Variants in TNFSF4 observed in about 807,000 individuals in gnomAD.
TNFSF4 encodes the protein TNF superfamily member 4.
TNFSF4 carries 4 observed loss-of-function variants against 7.3 expected under a neutral mutation model. The ratio of observed to expected loss-of-function variants is 0.55; its 90% CI spans 0.27 to 1.25. The LOEUF is 1.25. TNFSF4 is among the 50% of genes most tolerant of loss of function. TNFSF4 has a pLI of 0.12. For missense variants in TNFSF4, 181 were observed against 208.8 expected, an observed-to-expected ratio of 0.87 and a Z score of 0.82; for synonymous variants, 76 against 83.7, an observed-to-expected ratio of 0.91 and a Z score of 0.50.
chr1:173,432,625 G>A, the TNFSF4 span, among the ~76,000 whole-genome samples: 1 of 151,958 alleles, frequency 6.6e-6, no homozygotes, highest in African/African-American at 2.4e-5. Context: ...CACCCAGTCT[G>A]TGTACATTCT....
the TNFSF4 span, among the ~76,000 whole-genome samples, chr1:173,428,614 GA>G: frequency 1.3e-5 from 2 of 152,188 alleles, no homozygotes; most frequent in East Asian, 3.9e-4. Flanking sequence ...TGATATTAAT[GA>G]ATTATTGCTA....
chr1:173,294,523 T>C, the TNFSF4 span, among the ~76,000 whole-genome samples: 1 of 151,912 alleles, frequency 6.6e-6, no homozygotes, highest in African/African-American at 2.4e-5. Context: ...GATGGGATCA[T>C]TCATACCCCA....
the TNFSF4 span, among the ~76,000 whole-genome samples, chr1:173,327,248 CA>C: frequency 2.6e-5 from 4 of 151,796 alleles, no homozygotes; most frequent in African/African-American, 7.3e-5. Context: ...ACAAACCTGA[CA>C]AAAACAAGCA....
At chr1:173,203,462 C>T (rs1413555958) in intron 1 of TNFSF4, among the ~76,000 whole-genome samples, 1 of 152,098 alleles carries the variant, frequency 6.6e-6, no homozygotes, top group Non-Finnish European at 1.5e-5. Flanking sequence ...TAAAAAAGAA[C>T]TTCTAAAAAC....
chr1:173,196,165 C>G (rs1308256276), intron 1 of TNFSF4, among the ~76,000 whole-genome samples: 1 of 152,104 alleles, frequency 6.6e-6, no homozygotes, highest in African/African-American at 2.4e-5. Flanking sequence ...GACTTCTGAT[C>G]ACGGAAGTTC....
intron 1 of TNFSF4, 74 bp from the exon 2 acceptor site, chr1:173,188,643 A>T: frequency 7.8e-7 from 1 of 1,278,400 alleles, no homozygotes; most frequent in Non-Finnish European, 1.1e-6. Context: ...TATTTAATGG[A>T]ACAGTGAAGC....
chr1:173,215,012 A>T, the TNFSF4 span, among the ~76,000 whole-genome samples: 1 of 152,028 alleles, frequency 6.6e-6, no homozygotes, highest in African/African-American at 2.4e-5. Flanking sequence ...CCAAATTCAT[A>T]TGTTGAAGCC....
the TNFSF4 span, among the ~76,000 whole-genome samples, chr1:173,327,118 A>C: frequency 1.1e-3 from 161 of 152,324 alleles, no homozygotes; most frequent in Non-Finnish European, 1.6e-3. Flanking sequence ...TTCAAACTAT[A>C]CTACAAGGCT....
the TNFSF4 span, among the ~76,000 whole-genome samples, chr1:173,330,233 A>C: frequency 6.6e-6 from 1 of 152,092 alleles, no homozygotes; most frequent in African/African-American, 2.4e-5. Flanking sequence ...ATGTTAATTA[A>C]TATTGGTATT....
chr1:173,443,812 C>G, the TNFSF4 span, among the ~76,000 whole-genome samples: 1 of 152,224 alleles, frequency 6.6e-6, no homozygotes, highest in Non-Finnish European at 1.5e-5. Context: ...ACACAAGGCA[C>G]TGTTTTCTAG....
the TNFSF4 span, among the ~76,000 whole-genome samples, chr1:173,323,537 G>A: frequency 6.6e-6 from 1 of 152,166 alleles, no homozygotes; most frequent in Non-Finnish European, 1.5e-5. Context: ...AGTTGAGAGG[G>A]GAAGGCTTCA....
the TNFSF4 span, among the ~76,000 whole-genome samples, chr1:173,286,970 T>C: frequency 6.6e-6 from 1 of 152,072 alleles, no homozygotes; most frequent in African/African-American, 2.4e-5. Context: ...AAATAACTAA[T>C]AAATATATTA....
chr1:173,357,905 A>AAGGTG, the TNFSF4 span, among the ~76,000 whole-genome samples: 3 of 152,224 alleles, frequency 2.0e-5, no homozygotes, highest in African/African-American at 4.8e-5. Context: ...TAGTATAGAT[A>AAGGTG]AGGTGAGGCT....
At chr1:173,193,021 A>G (rs930137293) in intron 1 of TNFSF4, among the ~76,000 whole-genome samples, 1 of 152,244 alleles carries the variant, frequency 6.6e-6, no homozygotes, top group East Asian at 1.9e-4. Flanking sequence ...CTATATGACA[A>G]CAGAATGAAG....
the TNFSF4 span, among the ~76,000 whole-genome samples, chr1:173,376,420 C>A: frequency 6.6e-6 from 1 of 152,122 alleles, no homozygotes; most frequent in Admixed American, 6.5e-5. Flanking sequence ...AGGGGAACAT[C>A]ACACACCAGA....
At chr1:173,373,811 C>A in the TNFSF4 span, among the ~76,000 whole-genome samples, 299 of 152,290 alleles carry the variant, frequency 2.0e-3, no homozygotes, top group African/African-American at 6.8e-3. Context: ...TAGAAGCCTG[C>A]CCCTGCAAGA....
the TNFSF4 span, among the ~76,000 whole-genome samples, chr1:173,373,434 CG>C: frequency 3.3e-5 from 5 of 152,146 alleles, no homozygotes; most frequent in African/African-American, 4.8e-5. Flanking sequence ...GGGACTTTCA[CG>C]GGGGCATAGT....
the TNFSF4 span, among the ~76,000 whole-genome samples, chr1:173,391,882 C>A: frequency 6.6e-6 from 1 of 152,150 alleles, no homozygotes; most frequent in African/African-American, 2.4e-5. Flanking sequence ...AAATAAAAAG[C>A]AGGACCTTGT....
chr1:173,346,457 C>T, the TNFSF4 span, among the ~76,000 whole-genome samples: 2 of 152,120 alleles, frequency 1.3e-5, no homozygotes, highest in Non-Finnish European at 2.9e-5. Flanking sequence ...AGAGTCCATC[C>T]ATGTATTAAT....
Sources: gnomAD v4.1 joint callset for allele counts (sites outside exome capture counted in the v4.1 genomes callset) on GRCh38, gnomAD v4.1.1 for gene constraint, MANE v1.5 for transcripts, NCBI Gene and HGNC (gene_info 2026-07-23, HGNC 2026-07-21) for gene names.